ARL10: variants seen among roughly 807,000 people sequenced by gnomAD.
ARL10 encodes ADP-ribosylation factor-like protein 10.
In ARL10, 23 loss-of-function variants were observed where a neutral mutation model predicts 26.1. That is an observed-to-expected ratio of 0.88 (90% CI 0.63 to 1.25). The LOEUF is 1.25. Ranked by LOEUF, ARL10 falls within the 50% of genes most tolerant of loss-of-function variation. The pLI is 0.00. For synonymous variants in ARL10, 138 were observed against 149.1 expected (o/e 0.93, Z 0.54); for missense variants, 300 against 323.6 (o/e 0.93, Z 0.56).
chr5:176,403,890 A>G (rs1211353660), downstream of ARL10, among the ~76,000 whole-genome samples: 3 of 152,036 alleles, frequency 2.0e-5, no homozygotes, highest in Admixed American at 6.6e-5. Context: ...CCTCACAGGT[A>G]GCTGGGATTA....
At chr5:176,388,585 C>G (rs1187169880) in exon 2 of ARL10, 1 of 1,543,914 alleles carries the variant, frequency 6.5e-7, no homozygotes, top group Non-Finnish European at 8.9e-7. Context: ...GCCTCTGTCT[C>G]TCAGACCTCG....
downstream of ARL10, chr5:176,388,695 A>G (rs1479205442): frequency 4.2e-6 from 6 of 1,413,108 alleles, no homozygotes; most frequent in African/African-American, 5.7e-5. Context: ...TACGACTCCC[A>G]GGATGCAACG....
chr5:176,408,227 CT>C, the ARL10 span, among the ~76,000 whole-genome samples: 729 of 144,012 alleles, frequency 5.1e-3, 2 homozygotes, highest in African/African-American at 0.014. Flanking sequence ...GGGTTTTCCT[CT>C]TTTTTTTTTT....
chr5:176,394,857 C>T (rs1756442737), intron 1 of ARL10, among the ~76,000 whole-genome samples: 1 of 152,056 alleles, frequency 6.6e-6, no homozygotes, highest in South Asian at 2.1e-4. Context: ...TATACTCTCT[C>T]TTCAGGGCTC....
In ARL10 at chr5:176,372,907, T is replaced by G. The variant is rs1768588825; in HGVS notation, c.*1012T>G. On this transcript the variant is annotated 3_prime_UTR_variant, in exon 4 of 4. Transcript: ENST00000310389. Reference sequence around the variant, plus strand: ...AAAATTTGGAACTTAGGAAAATAGCTGGAATCATGAATGACAATGAGATAA... The same window carrying G: ...AAAATTTGGAACTTAGGAAAATAGCGGGAATCATGAATGACAATGAGATAA... 1 of 398,696 alleles carries G rather than the reference T, an allele frequency of 2.5e-6. No individual in the cohort carries two copies. Among genetic ancestry groups the G allele is most frequent in the Non-Finnish European group, 4.4e-6 (1 of 226,082 alleles). 24.7% of individuals were successfully genotyped at this position (398,696 alleles called of 1,614,324 possible).
intron 1 of ARL10, among the ~76,000 whole-genome samples, chr5:176,366,147 G>T (rs1220695233): frequency 6.6e-6 from 1 of 152,224 alleles, no homozygotes; most frequent in Non-Finnish European, 1.5e-5. Flanking sequence ...CCCGCCTGCG[G>T]TCGGGACTCC....
Position 176,374,762 on chromosome 5 carries a change from A to G in ARL10, c.*2867A>G, listed in dbSNP as rs1369125244. ...GATTGGGATACCCACTAAAAGAAACATGAAGATTAGAAAACCTTGAACAGC... is the reference window on the plus strand; with the variant it reads ...GATTGGGATACCCACTAAAAGAAACGTGAAGATTAGAAAACCTTGAACAGC... On this transcript the variant is annotated 3_prime_UTR_variant, in exon 4 of 4. Transcript: ENST00000310389. The G allele has an allele frequency of 2.6e-5, 4 of 152,248 alleles. No individual in the cohort carries two copies. Among genetic ancestry groups the G allele is most frequent in the African/African-American group, 9.6e-5 (4 of 41,464 alleles). The allele number at this position is 152,248 out of a possible 1,614,324, so 9.4% of individuals were successfully genotyped here. A position where few individuals can be genotyped will look rare whatever the true frequency, so the allele number is the denominator to read the frequency against.
In ARL10 at chr5:176,374,739, T is replaced by C. The variant is rs550636632; in HGVS notation, c.*2844T>C. On this transcript the variant is annotated 3_prime_UTR_variant, in exon 4 of 4. Transcript: ENST00000310389. ...CTTTTGGTAACACAAGTCATGGTGA[T>C]TGGGATACCCACTAAAAGAAACATG... 2.6e-5 allele frequency: 4 copies of C among 152,376 alleles called. No homozygotes were observed. The highest frequency in any genetic ancestry group is 5.9e-5 in the Non-Finnish European group (4 of 68,044). 9.4% of individuals were successfully genotyped at this position (152,376 alleles called of 1,614,324 possible). A position where few individuals can be genotyped will look rare whatever the true frequency, so the allele number is the denominator to read the frequency against.
rs762885033 is a variant in ARL10 at position 176,374,634 on chromosome 5, C to T, written c.*2739C>T. ...GCGTGCAAGCTCTGCTGCTCATAGC[C>T]TGTTCAGGGTATAATGGCAATTAAG... On this transcript the variant is annotated 3_prime_UTR_variant, in exon 4 of 4. Transcript: ENST00000310389. 6.6e-6 allele frequency: 1 copy of T among 152,244 alleles called. No individual in the cohort carries two copies. Among genetic ancestry groups the T allele is most frequent in the Non-Finnish European group, 1.5e-5 (1 of 68,044 alleles). The allele number at this position is 152,244 out of a possible 1,614,324, so 9.4% of individuals were successfully genotyped here. A position where few individuals can be genotyped will look rare whatever the true frequency, so the allele number is the denominator to read the frequency against.
Position 176,401,818 on chromosome 5 carries a change from C to T in ARL10, c.*66C>T, listed in dbSNP as rs1581432940. On this transcript the variant is annotated 3_prime_UTR_variant, in exon 2 of 2. Transcript: ENST00000514533. ...CCAGCCTCCTGTTCGTCCTTGATTTCTCCTTCCTTCCCATCCCCCGTGCAA... is the reference window on the plus strand; with the variant it reads ...CCAGCCTCCTGTTCGTCCTTGATTTTTCCTTCCTTCCCATCCCCCGTGCAA... 4 of 454,930 alleles carry T rather than the reference C, an allele frequency of 8.8e-6. No homozygotes were observed. The East Asian group carries it at 2.8e-4, about 32-fold the overall frequency. 28.2% of individuals were successfully genotyped at this position (454,930 alleles called of 1,614,324 possible).
chr5:176,401,867 C>A, downstream of ARL10: 1 of 437,976 alleles, frequency 2.3e-6, no homozygotes, highest in Non-Finnish European at 4.6e-6. Context: ...CCTGTCATCA[C>A]AATCTCTAAA....
intron 1 of ARL10, among the ~76,000 whole-genome samples, chr5:176,395,399 T>C (rs908280631): frequency 2.0e-5 from 3 of 152,036 alleles, no homozygotes; most frequent in Non-Finnish European, 4.4e-5. Context: ...GTCTTACCAA[T>C]CTGGCACAAG....
rs948439304 is a variant in ARL10 at position 176,368,097 on chromosome 5, T to C, written c.386-710T>C. Reference sequence around the variant, plus strand: ...TTAGAATCCTCAAGTGTCAGAAACATAGCCAGAAACACTAGGGTGCGGGGT... The same window carrying C: ...TTAGAATCCTCAAGTGTCAGAAACACAGCCAGAAACACTAGGGTGCGGGGT... On this transcript the variant is annotated intron_variant, in intron 2 of 3. Coordinates refer to ENST00000310389, the MANE Select transcript of ARL10 (RefSeq NM_173664.6). This position sits in a 1 kb window ranked among gnomAD's most constrained non-coding sequence, Gnocchi z 4.1. 1.0e-5 allele frequency: 5 copies of C among 494,478 alleles called. No individual in the cohort carries two copies. Among genetic ancestry groups the C allele is most frequent in the African/African-American group, 5.9e-5 (3 of 50,924 alleles). The allele number at this position is 494,478 out of a possible 1,614,324, so 30.6% of individuals were successfully genotyped here.
At chr5:176,396,641 G>C in intron 1 of ARL10, 1 of 796,386 alleles carries the variant, frequency 1.3e-6, no homozygotes, top group Non-Finnish European at 2.2e-6. Context: ...AGTACCTCCA[G>C]TGGGAGAAAT....
chr5:176,389,644 C>G (rs1009817545), downstream of ARL10: 4 of 844,350 alleles, frequency 4.7e-6, no homozygotes, highest in Non-Finnish European at 7.0e-6. Context: ...GTAACTGTAA[C>G]CGAAAGTTTT....
At chr5:176,371,700 C>G in intron 3 of ARL10, 22 bp from the exon 4 acceptor site, 8 of 1,608,942 alleles carry the variant, frequency 5.0e-6, no homozygotes, top group Non-Finnish European at 6.0e-6. Flanking sequence ...CAGCTGTGTT[C>G]GGACTTCTGT....
intron 1 of ARL10, chr5:176,398,095 G>T (rs746774967): frequency 7.2e-6 from 11 of 1,530,150 alleles, no homozygotes; most frequent in Non-Finnish European, 1.0e-5. Context: ...CACCTGCCCC[G>T]CTGTCTCTGC....
chr5:176,384,553 G>A (rs780140623), downstream of ARL10: 25 of 624,092 alleles, frequency 4.0e-5, no homozygotes, highest in Non-Finnish European at 5.5e-5. Context: ...CTGGGAGGCC[G>A]AGGTGGGAGG....
chr5:176,395,025 G>A (rs1227629828), intron 1 of ARL10, among the ~76,000 whole-genome samples: 1 of 151,960 alleles, frequency 6.6e-6, no homozygotes, highest in Non-Finnish European at 1.5e-5. Context: ...GCTCAGCCTT[G>A]GCACAACAGG....
Sources: allele counts gnomAD v4.1 joint callset (sites outside exome capture counted in the v4.1 genomes callset), GRCh38; gene constraint gnomAD v4.1.1; non-coding constraint Gnocchi (gnomAD v3.1); transcripts MANE v1.5; gene names NCBI Gene and HGNC (gene_info 2026-07-23, HGNC 2026-07-21).